The following CEP128 variants were observed in gnomAD, a reference collection of about 807,000 sequenced individuals.
CEP128 encodes centrosomal protein 128kDa.
Under a neutral mutation model 156.7 loss-of-function variants are expected in CEP128, and 132 were observed. The ratio of observed to expected loss-of-function variants is 0.84; its 90% confidence interval spans 0.73 to 0.97. CEP128 has a LOEUF of 0.97. CEP128 is among the 50% of genes least tolerant of loss of function. The pLI is 0.00. For synonymous variants in CEP128, 469 were observed against 448.9 expected (o/e 1.04, Z -0.57); for missense variants, 1,252 against 1,281.9 (o/e 0.98, Z 0.36).
intron 21 of CEP128, among the ~76,000 whole-genome samples, chr14:80,548,248 T>C (rs559610359): frequency 1.4e-4 from 21 of 152,312 alleles, no homozygotes; most frequent in Non-Finnish European, 2.6e-4. Context: ...TTTCTGACTA[T>C]TAATCAGATA....
In CEP128 at chr14:80,785,003, T is replaced by C. The variant is rs1215670678; in HGVS notation, c.2103A>G (p.Thr701=). The change falls in exon 15 of 25, where the codon ACA becomes ACG. Residue 701 remains threonine, a synonymous_variant. Coordinates refer to ENST00000555265, the MANE Select transcript of CEP128 (RefSeq NM_152446.5). ...TTGTTTTCACACTCTGCAATGATGA[T>C]GTGAGATCTTTCAGCTCCCTCTGGT... ...DVHQRELKDL[T]SSLQSVKTKH... is the part of the protein sequence containing the mutation. 8 of 1,614,192 alleles carry C rather than the reference T, an allele frequency of 5.0e-6. No individual in the cohort carries two copies. Among genetic ancestry groups the C allele is most frequent in the Non-Finnish European group, 6.8e-6 (8 of 1,179,988 alleles).
At chr14:80,635,942 AC>A (rs1250006702) in intron 19 of CEP128, among the ~76,000 whole-genome samples, 1 of 152,192 alleles carries the variant, frequency 6.6e-6, no homozygotes, top group Non-Finnish European at 1.5e-5. Context: ...TGTATATGAA[AC>A]ATAAATGAAT....
intron 19 of CEP128, among the ~76,000 whole-genome samples, chr14:80,581,369 T>C (rs1384595457): frequency 6.6e-6 from 1 of 152,152 alleles, no homozygotes; most frequent in Non-Finnish European, 1.5e-5. Flanking sequence ...CTAATATGTA[T>C]CCCAGAAAGG....
At chr14:80,949,818 C>G (rs901919432) in intron 2 of CEP128, among the ~76,000 whole-genome samples, 1 of 151,922 alleles carries the variant, frequency 6.6e-6, no homozygotes, top group African/African-American at 2.4e-5. Flanking sequence ...ATCAGGCATA[C>G]AAAGAATAGA....
chr14:80,860,764 T>C (rs1359150701), intron 9 of CEP128, among the ~76,000 whole-genome samples: 8 of 152,162 alleles, frequency 5.3e-5, no homozygotes, highest in Non-Finnish European at 7.4e-5. Context: ...CAGATTTTTC[T>C]ATCAGCTTAC....
At chr14:80,511,781 A>AT (rs1370256617) in intron 23 of CEP128, among the ~76,000 whole-genome samples, 1 of 151,986 alleles carries the variant, frequency 6.6e-6, no homozygotes, top group African/African-American at 2.4e-5. Context: ...AGGTTTTGAT[A>AT]TGCTATGCTT....
intron 19 of CEP128, among the ~76,000 whole-genome samples, chr14:80,620,236 T>G (rs1305124624): frequency 6.6e-6 from 1 of 152,070 alleles, no homozygotes; most frequent in Non-Finnish European, 1.5e-5. Context: ...ACTAAAAAGC[T>G]ATGAAGTTAC....
At chr14:80,555,668 T>A (rs1311598311) in intron 21 of CEP128, among the ~76,000 whole-genome samples, 5 of 152,100 alleles carry the variant, frequency 3.3e-5, no homozygotes, top group Non-Finnish European at 7.4e-5. Context: ...TAGACTTCGA[T>A]AACATCTCCA....
exon 15 of CEP128, chr14:80,477,719 A>T (rs563357320): frequency 1.3e-5 from 2 of 152,206 alleles, no homozygotes; most frequent in Admixed American, 1.3e-4. Context: ...AAATGAATCC[A>T]GTAGGTTGTA....
In CEP128 at chr14:80,497,299, T is replaced by C. The variant is rs146428384; in HGVS notation, c.*180A>G. ...CACATCATTCATGATCTGATATTAT[T>C]TGGATTGGTTTACCATTCACAAGGA... On this transcript the variant is annotated 3_prime_UTR_variant, in exon 25 of 25. Coordinates refer to ENST00000555265, the MANE Select transcript of CEP128 (RefSeq NM_152446.5). 5,287 of 538,818 alleles carry C rather than the reference T, an allele frequency of 9.8e-3. 32 individuals are homozygous for C. Among genetic ancestry groups the C allele is most frequent in the Non-Finnish European group, 0.014 (4,286 of 307,044 alleles). 33.4% of individuals were successfully genotyped at this position (538,818 alleles called of 1,614,324 possible). A position where few individuals can be genotyped will look rare whatever the true frequency, so the allele number is the denominator to read the frequency against.
At chr14:80,680,824 C>G (rs1356585619) in intron 19 of CEP128, among the ~76,000 whole-genome samples, 1 of 152,094 alleles carries the variant, frequency 6.6e-6, no homozygotes. Context: ...AGCACTGGTG[C>G]TTGTGTTTAC....
At chr14:80,639,561 AC>A (rs1465576663) in intron 19 of CEP128, among the ~76,000 whole-genome samples, 1 of 152,162 alleles carries the variant, frequency 6.6e-6, no homozygotes, top group Non-Finnish European at 1.5e-5. Context: ...TTTATTGTTG[AC>A]ATTTGTTAGA....
intron 2 of CEP128, among the ~76,000 whole-genome samples, chr14:80,948,610 C>A (rs757309355): frequency 6.6e-6 from 1 of 152,214 alleles, no homozygotes; most frequent in Non-Finnish European, 1.5e-5. Context: ...AATTGCCAAA[C>A]ACCACTTTCT....
At position 80,838,291 on chromosome 14, in the gene CEP128, C is replaced by A; in HGVS notation, c.850-13G>T. The A allele has an allele frequency of 6.2e-7, 1 of 1,603,840 alleles. No homozygotes were observed. The highest frequency in any genetic ancestry group is 8.5e-7 in the Non-Finnish European group (1 of 1,172,130). On this transcript the variant is annotated splice_polypyrimidine_tract_variant and intron_variant, in intron 10 of 24. Coordinates refer to ENST00000555265, the MANE Select transcript of CEP128 (RefSeq NM_152446.5). Reference sequence around the variant, plus strand: ...ATTCCTGTTCAAGCTAGAGTTTCAACAAAGGATAAAGAAAAATGCCCAATG... The same window carrying A: ...ATTCCTGTTCAAGCTAGAGTTTCAAAAAAGGATAAAGAAAAATGCCCAATG...
At chr14:80,651,237 G>T (rs1335686731) in intron 19 of CEP128, among the ~76,000 whole-genome samples, 2 of 152,122 alleles carry the variant, frequency 1.3e-5, no homozygotes, top group African/African-American at 2.4e-5. Flanking sequence ...ATGGTAGTTT[G>T]TATTTCTGTG....
exon 15 of CEP128, chr14:80,478,060 G>GT (rs886430303): frequency 2.0e-5 from 3 of 151,906 alleles, no homozygotes; most frequent in Non-Finnish European, 4.4e-5. Context: ...GACACCCACA[G>GT]TTTTTTCCCC....
At chr14:80,874,220 T>C (rs1888167236) in intron 8 of CEP128, among the ~76,000 whole-genome samples, 1 of 152,080 alleles carries the variant, frequency 6.6e-6, no homozygotes, top group African/African-American at 2.4e-5. Flanking sequence ...TCCCAGCACT[T>C]TGGGAGGCTG....
intron 13 of CEP128, among the ~76,000 whole-genome samples, chr14:80,804,386 A>C (rs1000210002): frequency 1.3e-5 from 2 of 152,156 alleles, no homozygotes; most frequent in African/African-American, 2.4e-5. Flanking sequence ...CAGGCATATA[A>C]AGTTCCATTC....
intron 8 of CEP128, among the ~76,000 whole-genome samples, chr14:80,888,427 C>A (rs926645786): frequency 6.6e-6 from 1 of 152,204 alleles, no homozygotes; most frequent in Admixed American, 6.5e-5. Context: ...AAATGCTTAT[C>A]CACCACGATC....
Sources: allele counts gnomAD v4.1 joint callset (sites outside exome capture counted in the v4.1 genomes callset), GRCh38; gene constraint gnomAD v4.1.1; transcripts MANE v1.5; gene names NCBI Gene and HGNC (gene_info 2026-07-23, HGNC 2026-07-21).